The following LRP2 variants were observed in gnomAD, a reference collection of about 807,000 sequenced individuals.
The protein encoded by LRP2 is low-density lipoprotein receptor-related protein 2.
Under a neutral mutation model 531.0 loss-of-function variants are expected in LRP2, and 172 were observed. The ratio of observed to expected loss-of-function variants is 0.32; its 90% confidence interval spans 0.29 to 0.37. The LOEUF (loss-of-function observed/expected upper bound fraction) is 0.37. LRP2 is among the 10% of genes least tolerant of loss of function. LRP2 has a pLI of 1.00. For missense variants in LRP2, 5,167 were observed against 5,868.3 expected, an observed-to-expected ratio of 0.88 and a Z score of 3.90; for synonymous variants, 1,992 against 2,027.6, an observed-to-expected ratio of 0.98 and a Z score of 0.47.
intron 68 of LRP2, among the ~76,000 whole-genome samples, chr2:169,150,085 C>CAGTCAAGTAT (rs1686067550): frequency 6.6e-6 from 1 of 152,146 alleles, no homozygotes; most frequent in South Asian, 2.1e-4. Flanking sequence ...TTAATCTCAT[C>CAGTCAAGTAT]AGTCAAGTAT....
At chr2:169,175,889 C>T (rs1240986898) in intron 54 of LRP2, among the ~76,000 whole-genome samples, 1 of 152,214 alleles carries the variant, frequency 6.6e-6, no homozygotes, top group African/African-American at 2.4e-5. Flanking sequence ...TAATGCCTCT[C>T]TCCATGCCAC....
At chr2:169,177,214 A>AT (rs550620184) in intron 53 of LRP2, among the ~76,000 whole-genome samples, 92 of 152,346 alleles carry the variant, frequency 6.0e-4, no homozygotes, top group African/African-American at 2.1e-3. Context: ...AAACCAGTCT[A>AT]TCCCCAAAAT....
At chr2:169,278,707 C>A (rs139687549) in intron 12 of LRP2, among the ~76,000 whole-genome samples, 1 of 152,276 alleles carries the variant, frequency 6.6e-6, no homozygotes, top group African/African-American at 2.4e-5. Flanking sequence ...AATCATCATT[C>A]ACAAAGACTA....
rs144579935 is a variant in LRP2, at chr2:169,178,041, A to C, written c.10170-15T>G. 4.2e-4 allele frequency: 670 copies of C among 1,581,518 alleles called. 2 individuals carry two copies. In the African/African-American group the frequency reaches 6.8e-3, roughly 16 times the overall value. ...AATCAGAGTACCTGCAGCAGTAAGC[A>C]GAAACAGTTATGTGATAAAGGTAAT... On this transcript the variant is annotated splice_polypyrimidine_tract_variant and intron_variant, in intron 52 of 78. Coordinates refer to ENST00000649046, the MANE Select transcript of LRP2 (RefSeq NM_004525.3).
chr2:169,266,707 C>T (rs1683194992), intron 16 of LRP2, among the ~76,000 whole-genome samples: 1 of 151,962 alleles, frequency 6.6e-6, no homozygotes, highest in South Asian at 2.1e-4. Flanking sequence ...ACAAACCAAA[C>T]CCTTGGCATT....
At chr2:169,301,748 A>T (rs761303867) in intron 4 of LRP2, among the ~76,000 whole-genome samples, 4 of 151,776 alleles carry the variant, frequency 2.6e-5, no homozygotes, top group Non-Finnish European at 5.9e-5. Context: ...CCCTGAGAGG[A>T]CTCTTACACA....
At chr2:169,340,976 G>T (rs146230503) in intron 1 of LRP2, among the ~76,000 whole-genome samples, 250 of 152,190 alleles carry the variant, frequency 1.6e-3, no homozygotes, top group African/African-American at 5.9e-3. Flanking sequence ...CAGTGGTCCT[G>T]TTCTATGCCT....
chr2:169,206,224 C>T, intron 39 of LRP2, 36 bp from the exon 40 acceptor site: 1 of 1,613,898 alleles, frequency 6.2e-7, no homozygotes, highest in East Asian at 2.2e-5. Context: ...CACAAGCACA[C>T]ACAAAGACAT....
At chr2:169,214,453 G>T (rs1307459501) in intron 35 of LRP2, among the ~76,000 whole-genome samples, 1 of 152,188 alleles carries the variant, frequency 6.6e-6, no homozygotes, top group African/African-American at 2.4e-5. Flanking sequence ...GAAGAAAAAT[G>T]AAATGTAGAT....
intron 66 of LRP2, 48 bp downstream of exon 66, chr2:169,154,412 C>A (rs980911656): frequency 6.4e-7 from 1 of 1,564,114 alleles, no homozygotes; most frequent in Admixed American, 1.7e-5. Flanking sequence ...CCTTAAAATT[C>A]TATAAAGTCA....
At chr2:169,209,371 C>T in intron 38 of LRP2, 82 bp downstream of exon 38, 1 of 1,370,880 alleles carries the variant, frequency 7.3e-7, no homozygotes, top group Admixed American at 1.7e-5. Context: ...ACCTGTAGCA[C>T]ATGGAGTTAG....
At chr2:169,149,540 A>C (rs1473262736) in intron 68 of LRP2, among the ~76,000 whole-genome samples, 1 of 152,190 alleles carries the variant, frequency 6.6e-6, no homozygotes, top group Non-Finnish European at 1.5e-5. Context: ...TACAAAGACT[A>C]AAATAAGAAT....
rs144004999 is a variant in LRP2, at chr2:169,185,948, A to G, written c.9400T>C (p.Tyr3134His). ...TTGTAACCAGGACGACAGGAACAATAGAAACTGGTTAAGGTGTCTGTGCAG... is the reference window on the plus strand; with the variant it reads ...TTGTAACCAGGACGACAGGAACAATGGAAACTGGTTAAGGTGTCTGTGCAG... ...HNCTDTLTSF[Y>H]CSCRPGYKLM... The change falls in exon 50 of 79, where the codon TAT (tyrosine) becomes CAT (histidine). Residue 3134 changes from tyrosine to histidine, a missense_variant. Tyr to His is a moderately conservative substitution (Grantham distance 83). Coordinates refer to ENST00000649046, the MANE Select transcript of LRP2 (RefSeq NM_004525.3). 1 of 1,613,938 alleles carries G rather than the reference A, an allele frequency of 6.2e-7. No individual in the cohort carries two copies. Among genetic ancestry groups the G allele is most frequent in the African/African-American group, 1.3e-5 (1 of 74,892 alleles).
intron 58 of LRP2, 89 bp downstream of exon 58, chr2:169,171,926 A>G: frequency 6.9e-7 from 1 of 1,459,188 alleles, no homozygotes; most frequent in Non-Finnish European, 9.6e-7. Flanking sequence ...CCCATTGAGG[A>G]TCAATGACAT....
intron 1 of LRP2, among the ~76,000 whole-genome samples, chr2:169,350,014 G>A (rs544928754): frequency 5.9e-5 from 9 of 152,298 alleles, no homozygotes; most frequent in South Asian, 2.1e-4. Context: ...CATTGCAATC[G>A]TCGAGGCAAG....
chr2:169,166,032 T>A lies in LRP2; in HGVS notation c.11658A>T (p.Pro3886=). The change falls in exon 62 of 79, where the codon CCA becomes CCT. Residue 3886 remains proline (P), a synonymous_variant. Coordinates refer to ENST00000649046, the MANE Select transcript of LRP2 (RefSeq NM_004525.3). ...HLCLDVPCNS[P]NRFRCDNNRC... ...GATTGTTGTCACACCGGAAACGGTTTGGTGAATTACAGGGAACATCCACTG... is the reference window on the plus strand; with the variant it reads ...GATTGTTGTCACACCGGAAACGGTTAGGTGAATTACAGGGAACATCCACTG... 1 of 1,614,098 alleles carries A rather than the reference T, an allele frequency of 6.2e-7. No homozygotes were observed. The highest frequency in any genetic ancestry group is 8.5e-7 in the Non-Finnish European group (1 of 1,179,948).
chr2:169,346,125 A>G (rs955312271), intron 1 of LRP2, among the ~76,000 whole-genome samples: 1 of 152,232 alleles, frequency 6.6e-6, no homozygotes, highest in Non-Finnish European at 1.5e-5. Flanking sequence ...ACAATCAGCA[A>G]CAACTATTAA....
intron 10 of LRP2, among the ~76,000 whole-genome samples, 189 bp downstream of exon 10, chr2:169,282,684 C>T (rs1440041799): frequency 6.6e-6 from 1 of 152,132 alleles, no homozygotes. Context: ...ACAAATTGGT[C>T]CTTAATAATC....
intron 62 of LRP2, among the ~76,000 whole-genome samples, chr2:169,165,033 A>G (rs750525579): frequency 1.3e-4 from 20 of 152,322 alleles, no homozygotes; most frequent in Non-Finnish European, 2.5e-4. Flanking sequence ...GCCAGTAATA[A>G]TGATAACAGG....
Sources: allele counts gnomAD v4.1 joint callset (sites outside exome capture counted in the v4.1 genomes callset), GRCh38; gene constraint gnomAD v4.1.1; transcripts MANE v1.5; gene names NCBI Gene and HGNC (gene_info 2026-07-23, HGNC 2026-07-21).